PTPRM: variants seen among roughly 807,000 people sequenced by gnomAD.
PTPRM encodes the protein protein tyrosine phosphatase receptor type M, also known as receptor-type tyrosine-protein phosphatase mu.
Under a neutral mutation model 186.7 loss-of-function variants are expected in PTPRM, and 47 were observed. That is an observed-to-expected ratio of 0.25 (90% CI 0.20 to 0.32). PTPRM has a LOEUF of 0.32. Ranked by LOEUF, PTPRM falls within the 10% of genes least tolerant of loss-of-function variation. The pLI is 1.00. For missense variants in PTPRM, 1,494 were observed against 1,865.0 expected (o/e 0.80, Z 3.66); for synonymous variants, 668 against 674.9 (o/e 0.99, Z 0.16).
intron 14 of PTPRM, among the ~76,000 whole-genome samples, chr18:8,152,952 G>A (rs112202338): frequency 5.9e-5 from 9 of 152,008 alleles, no homozygotes; most frequent in South Asian, 2.1e-4. Flanking sequence ...TCCTGACCTC[G>A]TGATCCCCCT....
rs149378603 is a variant in PTPRM, at chr18:8,152,570, T to C, written c.2300+8791T>C. On this transcript the variant is annotated intron_variant, in intron 14 of 32. Coordinates refer to ENST00000580170, the MANE Select transcript of PTPRM (RefSeq NM_001105244.2). ...CCATCGTGTGATTCCTATCTTTATT[T>C]TTCATTCATTATTTATTTTCATTCC... Among the ~76,000 whole-genome samples the C allele has an allele frequency of 7.1e-4, 108 of 152,260 alleles. No individual in the cohort carries two copies. The East Asian group carries it at 0.016, about 22-fold the overall frequency.
intron 23 of PTPRM, among the ~76,000 whole-genome samples, chr18:8,351,556 C>G (rs1246475119): frequency 6.6e-6 from 1 of 152,100 alleles, no homozygotes; most frequent in Admixed American, 6.6e-5. Context: ...GGTCAAGAAC[C>G]TTTCCCTAAA....
chr18:8,331,726 A>C (rs540794465), intron 22 of PTPRM, among the ~76,000 whole-genome samples: 1 of 152,340 alleles, frequency 6.6e-6, no homozygotes, highest in South Asian at 2.1e-4. Context: ...GGAGCCACTT[A>C]AGTGTGCACC....
intron 14 of PTPRM, among the ~76,000 whole-genome samples, chr18:8,203,340 A>G (rs2093883902): frequency 1.3e-5 from 2 of 151,776 alleles, no homozygotes; most frequent in East Asian, 1.9e-4. Flanking sequence ...GTGTTGTATT[A>G]AAAGAAAACA....
chr18:7,759,866 G>A (rs1439911954), intron 1 of PTPRM, among the ~76,000 whole-genome samples: 1 of 152,156 alleles, frequency 6.6e-6, no homozygotes, highest in East Asian at 1.9e-4. Flanking sequence ...GCTGAGAAGA[G>A]GTTTGGGTTA....
intron 20 of PTPRM, among the ~76,000 whole-genome samples, chr18:8,296,967 G>A (rs1207321660): frequency 6.6e-6 from 1 of 152,108 alleles, no homozygotes; most frequent in African/African-American, 2.4e-5. Context: ...AAAGAACTAG[G>A]ATTATAGCTT....
chr18:7,765,382 A>G (rs149161242), intron 1 of PTPRM, among the ~76,000 whole-genome samples: 52 of 152,354 alleles, frequency 3.4e-4, no homozygotes, highest in African/African-American at 1.2e-3. Context: ...TAAATTATGT[A>G]GAAGAGCCTT....
intron 2 of PTPRM, among the ~76,000 whole-genome samples, chr18:7,777,191 G>A (rs1271592652): frequency 1.3e-5 from 2 of 152,170 alleles, no homozygotes; most frequent in African/African-American, 4.8e-5. Flanking sequence ...TCATGGGTAT[G>A]TGTATTTGTC....
At chr18:7,600,270 C>T (rs1031788146) in intron 1 of PTPRM, among the ~76,000 whole-genome samples, 2 of 152,224 alleles carry the variant, frequency 1.3e-5, no homozygotes, top group South Asian at 2.1e-4. Context: ...GGGCTGAGAA[C>T]AGTGACTGTC....
At chr18:7,612,323 T>C (rs560120729) in intron 1 of PTPRM, among the ~76,000 whole-genome samples, 1 of 152,288 alleles carries the variant, frequency 6.6e-6, no homozygotes, top group South Asian at 2.1e-4. Flanking sequence ...TTCTGATGCT[T>C]TAAGGACAAG....
intron 7 of PTPRM, among the ~76,000 whole-genome samples, chr18:8,051,024 GA>G (rs1420508344): frequency 6.6e-6 from 1 of 152,200 alleles, no homozygotes; most frequent in Non-Finnish European, 1.5e-5. Flanking sequence ...TCAGGGATAA[GA>G]ATATTACTGG....
At chr18:8,254,601 A>G (rs1310411328) in intron 19 of PTPRM, among the ~76,000 whole-genome samples, 1 of 152,220 alleles carries the variant, frequency 6.6e-6, no homozygotes, top group Non-Finnish European at 1.5e-5. Flanking sequence ...GTCTGGAATT[A>G]GAGTGTTTTT....
intron 11 of PTPRM, among the ~76,000 whole-genome samples, chr18:8,102,754 C>T (rs962422410): frequency 6.6e-6 from 1 of 152,168 alleles, no homozygotes; most frequent in African/African-American, 2.4e-5. Context: ...CCATGAATCA[C>T]AAATGTTCTT....
intron 11 of PTPRM, among the ~76,000 whole-genome samples, chr18:8,112,234 T>C (rs1014901127): frequency 8.5e-5 from 13 of 152,246 alleles, no homozygotes; most frequent in Non-Finnish European, 1.6e-4. Flanking sequence ...TGATTTTTAT[T>C]TAGACAGAAT....
At chr18:7,749,634 G>C (rs73939360) in intron 1 of PTPRM, among the ~76,000 whole-genome samples, 1 of 152,126 alleles carries the variant, frequency 6.6e-6, no homozygotes, top group African/African-American at 2.4e-5. Flanking sequence ...TGTCTGAGCC[G>C]ATCAGTGTGA....
At chr18:7,826,952 A>G (rs2045516324) in intron 2 of PTPRM, among the ~76,000 whole-genome samples, 1 of 152,104 alleles carries the variant, frequency 6.6e-6, no homozygotes, top group African/African-American at 2.4e-5. Flanking sequence ...AAATAAATAA[A>G]TAAGCCAGCT....
chr18:7,984,602 T>TATATAC (rs1214502563), intron 7 of PTPRM, among the ~76,000 whole-genome samples: 1,403 of 86,968 alleles, frequency 0.016, 17 homozygotes, highest in Non-Finnish European at 0.019. Context: ...TATATATATA[T>TATATAC]ACACACACAC....
Position 8,014,997 on chromosome 18 carries a change from C to T in PTPRM, c.1133-54689C>T, listed in dbSNP as rs968610108. Among the ~76,000 whole-genome samples, 5 of 151,976 alleles carry T rather than the reference C, an allele frequency of 3.3e-5. No individual in the cohort carries two copies. The South Asian group carries it at 6.2e-4, about 19-fold the overall frequency. ...CATGTTTGGGACTATTGTTTGGCTG[C>T]GCCAGTAGAACTTATTCTGATAAGC... On this transcript the variant is annotated intron_variant, in intron 7 of 32. Transcript: ENST00000580170.
chr18:8,176,922 G>A (rs1049854481), intron 14 of PTPRM, among the ~76,000 whole-genome samples: 1 of 152,152 alleles, frequency 6.6e-6, no homozygotes, highest in Admixed American at 6.5e-5. Flanking sequence ...ATTATTTGTG[G>A]ATCAGATTGA....
Sources: gnomAD v4.1 joint callset for allele counts (sites outside exome capture counted in the v4.1 genomes callset) on GRCh38, gnomAD v4.1.1 for gene constraint, MANE v1.5 for transcripts, NCBI Gene and HGNC (gene_info 2026-07-23, HGNC 2026-07-21) for gene names.